Variants in GSE1 observed in about 807,000 individuals in gnomAD.
GSE1 encodes the protein genetic suppressor element 1.
Under a neutral mutation model 112.6 loss-of-function variants are expected in GSE1, and 32 were observed. The ratio of observed to expected loss-of-function variants is 0.28; its 90% CI spans 0.21 to 0.38. GSE1 has a LOEUF of 0.38. Ranked by LOEUF, GSE1 falls within the 10% of genes least tolerant of loss-of-function variation. The probability of loss-of-function intolerance (pLI) is 1.00; values close to 1 mark genes in which losing one functional copy is unlikely to be tolerated. For synonymous variants in GSE1, 1,115 were observed against 735.6 expected (o/e 1.52, Z -8.35); for missense variants, 2,348 against 1,699.2 (o/e 1.38, Z -6.71).
intron 2 of GSE1, among the ~76,000 whole-genome samples, chr16:85,532,957 A>T (rs117804861): frequency 6.6e-6 from 1 of 151,882 alleles, no homozygotes; most frequent in African/African-American, 2.4e-5. Context: ...TGCCCCACGT[A>T]CTCCAAAACC....
intron 2 of GSE1, among the ~76,000 whole-genome samples, chr16:85,396,073 G>A (rs1172316030): frequency 6.6e-6 from 1 of 152,232 alleles, no homozygotes; most frequent in East Asian, 1.9e-4. Context: ...GCTGATGAAA[G>A]CTTCAGCCCC....
At chr16:85,349,868 C>A (rs922036501) in intron 1 of GSE1, among the ~76,000 whole-genome samples, 1 of 152,218 alleles carries the variant, frequency 6.6e-6, no homozygotes, top group Non-Finnish European at 1.5e-5. Context: ...CCTACTTGCC[C>A]CAGAGTGCGG....
At chr16:85,322,446 T>C (rs1400522786) in intron 1 of GSE1, among the ~76,000 whole-genome samples, 6 of 151,938 alleles carry the variant, frequency 3.9e-5, no homozygotes, top group Admixed American at 3.3e-4. Flanking sequence ...ATAAACCTAA[T>C]CAGAGGAGGT....
intron 2 of GSE1, among the ~76,000 whole-genome samples, chr16:85,484,925 T>G (rs557212291): frequency 1.8e-4 from 27 of 152,252 alleles, no homozygotes; most frequent in African/African-American, 6.5e-4. Flanking sequence ...GCCCTGGGCA[T>G]GGGCTGCACC....
At chr16:85,554,635 A>AG (rs1252714021), upstream of GSE1, among the ~76,000 whole-genome samples, 4 of 152,180 alleles carry the variant, frequency 2.6e-5, no homozygotes, top group Admixed American at 6.5e-5. Flanking sequence ...GGAGCTCACC[A>AG]GGGCCGGCCG....
At chr16:85,336,912 G>A (rs543650386) in intron 1 of GSE1, among the ~76,000 whole-genome samples, 29 of 152,172 alleles carry the variant, frequency 1.9e-4, no homozygotes, top group Non-Finnish European at 2.8e-4. Flanking sequence ...TCGTGTACAC[G>A]CATGCCCACA....
intron 1 of GSE1, among the ~76,000 whole-genome samples, chr16:85,235,655 C>A (rs1904555723): frequency 6.6e-6 from 1 of 151,758 alleles, no homozygotes; most frequent in South Asian, 2.1e-4. Context: ...CCTCCTCCCC[C>A]CGAGGGTGGG....
intron 2 of GSE1, chr16:85,490,709 C>T (rs765099900): frequency 2.6e-5 from 4 of 152,182 alleles, no homozygotes; most frequent in Non-Finnish European, 5.9e-5. Context: ...AGCCCTGGCT[C>T]GGAGCACCAT....
chr16:85,597,577 C>G (rs1046835951), intron 1 of GSE1, among the ~76,000 whole-genome samples: 2 of 152,052 alleles, frequency 1.3e-5, no homozygotes, highest in African/African-American at 4.8e-5. Flanking sequence ...TCAAGCAATC[C>G]TCCCACCTCA....
chr16:85,482,675 G>T (rs1172873505), intron 2 of GSE1, among the ~76,000 whole-genome samples: 1 of 152,298 alleles, frequency 6.6e-6, no homozygotes, highest in Non-Finnish European at 1.5e-5. Flanking sequence ...AGCATCCAAG[G>T]TGTTCCAAAA....
At chr16:85,446,794 G>A (rs567624689) in intron 2 of GSE1, among the ~76,000 whole-genome samples, 5 of 152,252 alleles carry the variant, frequency 3.3e-5, no homozygotes, top group South Asian at 2.1e-4. Flanking sequence ...CGTTGGGCAG[G>A]TTGGCTCATC....
chr16:85,558,048 A>G (rs2045323435), intron 1 of GSE1, among the ~76,000 whole-genome samples: 2 of 151,898 alleles, frequency 1.3e-5, no homozygotes, highest in Admixed American at 1.3e-4. Context: ...TAGCGGATCC[A>G]ATCCAAATTA....
chr16:85,665,845 G>T (rs1017247907), intron 12 of GSE1, 131 bp from the exon 13 acceptor site: 1 of 822,764 alleles, frequency 1.2e-6, no homozygotes, highest in African/African-American at 1.7e-5. Context: ...TTACTTAAAT[G>T]TTCCCCGGGT....
chr16:85,463,216 C>A, intron 2 of GSE1: 2 of 579,826 alleles, frequency 3.4e-6, no homozygotes, highest in Non-Finnish European at 4.4e-6. Context: ...GGGCTGGAAC[C>A]TGGCCCCGCA....
At chr16:85,342,252 A>T (rs1209446611) in intron 1 of GSE1, among the ~76,000 whole-genome samples, 1 of 152,208 alleles carries the variant, frequency 6.6e-6, no homozygotes, top group Non-Finnish European at 1.5e-5. Context: ...GTATTTTTAA[A>T]GGGTATAATT....
In GSE1 at chr16:85,466,143, G is replaced by A. The variant is rs139830244; in HGVS notation, c.2464+108500G>A. 4.5e-4 allele frequency among the ~76,000 whole-genome samples: 68 copies of A among 152,312 alleles called. 1 individual carries two copies. In the East Asian group the frequency reaches 0.011, roughly 24 times the overall value. ...AACACGGGCACTTTGAGTGGAACAC[G>A]TGGTCAGTGTTGAAAGGACAAGGGC... On this transcript the variant is annotated intron_variant, in intron 2 of 2. Coordinates refer to the GSE1 transcript ENST00000637419.
intron 1 of GSE1, among the ~76,000 whole-genome samples, chr16:85,577,308 G>A (rs960450192): frequency 3.8e-4 from 58 of 152,214 alleles, no homozygotes; most frequent in African/African-American, 1.3e-3. Flanking sequence ...GAGGGAGGAC[G>A]CGGTCCTCTC....
At chr16:85,196,746 C>T (rs2074934865) in intron 1 of GSE1, among the ~76,000 whole-genome samples, 1 of 152,050 alleles carries the variant, frequency 6.6e-6, no homozygotes, top group African/African-American at 2.4e-5. Flanking sequence ...GGAGGGAGTC[C>T]CATTAGGCCC....
intron 1 of GSE1, among the ~76,000 whole-genome samples, chr16:85,175,219 G>T (rs888777240): frequency 6.6e-6 from 1 of 152,142 alleles, no homozygotes; most frequent in Non-Finnish European, 1.5e-5. Flanking sequence ...GCTGGGCCCC[G>T]GGTCCCCAGA....
Sources: gnomAD v4.1 joint callset for allele counts (sites outside exome capture counted in the v4.1 genomes callset) on GRCh38, gnomAD v4.1.1 for gene constraint, MANE v1.5 for transcripts, NCBI Gene and HGNC (gene_info 2026-07-23, HGNC 2026-07-21) for gene names.